The following ITIH6 variants were observed in gnomAD, a reference collection of about 807,000 sequenced individuals.
ITIH6 encodes the protein inter-alpha-trypsin inhibitor heavy chain H6.
ITIH6 carries 60 observed loss-of-function variants against 58.2 expected under a neutral mutation model. The observed-to-expected ratio is 1.03, with a 90% CI of 0.84 to 1.28. The LOEUF is 1.28. Among genes scored for constraint, ITIH6 ranks in the 50% most tolerant of loss-of-function variants. The pLI, the probability that ITIH6 is intolerant of heterozygous loss-of-function variation, is 0.00. For synonymous variants in ITIH6, 493 were observed against 417.4 expected (o/e 1.18, Z -2.21); for missense variants, 1,290 against 1,021.1 (o/e 1.26, Z -3.59).
chrX:54,768,500 A>C (rs1362272107), intron 6 of ITIH6, among the ~76,000 whole-genome samples: 1 of 92,787 alleles, frequency 1.1e-5, no homozygotes, highest in Non-Finnish European at 2.1e-5. Context: ...TGGTCTTTAC[A>C]TTTTGGCATG....
intron 6 of ITIH6, among the ~76,000 whole-genome samples, chrX:54,769,622 GT>G (rs1327469656): frequency 3.9e-5 from 4 of 102,306 alleles, no homozygotes; most frequent in Non-Finnish European, 7.9e-5. Context: ...CTGCAGGTCT[GT>G]TGGAATGCCC....
chrX:54,762,433 G>C (rs758909381), intron 6 of ITIH6, among the ~76,000 whole-genome samples: 5 of 111,573 alleles, frequency 4.5e-5, no homozygotes, highest in Non-Finnish European at 9.4e-5. Flanking sequence ...TGCATGCTTT[G>C]GTTCTGCTGT....
At chrX:54,771,394 T>A (rs1013853037) in intron 6 of ITIH6, among the ~76,000 whole-genome samples, 25 of 112,482 alleles carry the variant, frequency 2.2e-4, no homozygotes, top group African/African-American at 7.4e-4. Context: ...TTTTTATTTT[T>A]GTTTTTTAGC....
chrX:54,759,742 G>T lies in ITIH6; in HGVS notation c.1075+14C>A, dbSNP rs753651528. On this transcript the variant is annotated intron_variant, in intron 7 of 12. Transcript: ENST00000218436. ...CACAGCCTGCCCATTTGGGTGGGTAGATCTAACACTTACAGCCATCGGCTT... is the reference window on the plus strand; with the variant it reads ...CACAGCCTGCCCATTTGGGTGGGTATATCTAACACTTACAGCCATCGGCTT... 1 of 1,192,946 alleles carries T rather than the reference G, an allele frequency of 8.4e-7. No individual in the cohort carries two copies. The highest frequency in any genetic ancestry group is 1.8e-5 in the African/African-American group (1 of 56,921).
chrX:54,764,509 G>A (rs1237296607), intron 6 of ITIH6, among the ~76,000 whole-genome samples: 1 of 107,296 alleles, frequency 9.3e-6, no homozygotes, highest in Non-Finnish European at 1.9e-5. Flanking sequence ...AATATGCAGT[G>A]TTTGATTTTT....
intron 5 of ITIH6, among the ~76,000 whole-genome samples, chrX:54,775,856 A>G (rs1304706013): frequency 2.7e-5 from 3 of 111,673 alleles, no homozygotes; most frequent in Admixed American, 9.5e-5. Context: ...CAATGGCTGG[A>G]AGATGGGTGA....
intron 4 of ITIH6, among the ~76,000 whole-genome samples, chrX:54,790,432 C>G (rs1243186966): frequency 3.6e-5 from 4 of 112,392 alleles, no homozygotes. Context: ...TCCAGGGAGC[C>G]TGCACTTGCT....
At chrX:54,789,144 C>A (rs188626720) in intron 4 of ITIH6, among the ~76,000 whole-genome samples, 1 of 112,002 alleles carries the variant, frequency 8.9e-6, no homozygotes, top group East Asian at 2.8e-4. Flanking sequence ...TCCTCTGGGT[C>A]GGATTTCATA....
chrX:54,788,059 A>G (rs1442096631), intron 5 of ITIH6, among the ~76,000 whole-genome samples: 4 of 111,634 alleles, frequency 3.6e-5, no homozygotes, highest in Non-Finnish European at 7.5e-5. Flanking sequence ...GTTTAGGCAG[A>G]TGGCTCCACT....
chrX:54,765,791 G>C (rs1469436153), intron 6 of ITIH6, among the ~76,000 whole-genome samples: 1 of 109,238 alleles, frequency 9.2e-6, no homozygotes, highest in African/African-American at 3.4e-5. Flanking sequence ...TTTGGTTACT[G>C]TAGCCTTGTA....
intron 8 of ITIH6, among the ~76,000 whole-genome samples, chrX:54,756,672 C>A (rs918099693): frequency 9.0e-6 from 1 of 111,688 alleles, no homozygotes; most frequent in African/African-American, 3.3e-5. Flanking sequence ...TCCAACAAAA[C>A]AAATGTCAAA....
At chrX:54,785,979 G>T (rs1308167992) in intron 5 of ITIH6, among the ~76,000 whole-genome samples, 2 of 111,290 alleles carry the variant, frequency 1.8e-5, no homozygotes, top group African/African-American at 3.3e-5. Flanking sequence ...CTCTTCTCCC[G>T]TCTAGGGCTC....
chrX:54,751,184 C>T lies in ITIH6; in HGVS notation c.3549G>A (p.Lys1183=). The T allele has an allele frequency of 1.7e-6, 2 of 1,211,849 alleles. No individual in the cohort carries two copies. The highest frequency in any genetic ancestry group is 2.2e-6 in the Non-Finnish European group (2 of 895,431). ...RLSWDQPALL[K]RPQLELYVAA... is the part of the protein sequence containing the mutation. The stretch of plus-strand genomic sequence containing the variant: ...CCACATAGAGCTCCAGCTGGGGCCT[C>T]TTCAGCAGGGCAGGTTGGTCCCAGG... Residue 1183 remains lysine, a synonymous_variant, in exon 12 of 13, where the codon AAG becomes AAA. Transcript: ENST00000218436.
Position 54,758,484 on chromosome X carries a change from A to C in ITIH6, c.1590T>G (p.Leu530=). The stretch of plus-strand genomic sequence containing the variant: ...TGGCCCCTTCACTGTGGTGGGCCAC[A>C]AGAAGCTGATCCTTGGGGCCACGGG... ...LAARGPKDQL[L]VAHHSEGATN... is the part of the protein sequence containing the mutation. Residue 530 remains leucine (L), a synonymous_variant, in exon 8 of 13, where the codon CTT becomes CTG. Transcript: ENST00000218436. 1.7e-6 allele frequency: 2 copies of C among 1,210,497 alleles called. No individual in the cohort carries two copies. The highest frequency in any genetic ancestry group is 2.2e-6 in the Non-Finnish European group (2 of 894,974).
intron 8 of ITIH6, among the ~76,000 whole-genome samples, chrX:54,755,610 AG>A (rs1928469184): frequency 9.0e-6 from 1 of 110,557 alleles, no homozygotes; most frequent in African/African-American, 3.3e-5. Context: ...GGAAGGGATA[AG>A]GGCAGCAGGA....
chrX:54,774,201 G>T lies in ITIH6; in HGVS notation c.787-4C>A. The T allele has an allele frequency of 6.3e-6, 5 of 789,173 alleles. No individual in the cohort carries two copies. Among genetic ancestry groups the T allele is most frequent in the African/African-American group, 2.8e-5 (1 of 35,954 alleles). 65.0% of individuals were successfully genotyped at this position (789,173 alleles called of 1,213,427 possible). ...GAATGAAATAGTCATCGTAAATCTG[G>T]ACCAAAAAAAAAAAAAAAAAAGTAG... is the stretch of plus-strand genomic sequence containing the variant. On this transcript the variant is annotated splice_polypyrimidine_tract_variant and splice_region_variant and intron_variant, in intron 5 of 12. Transcript: ENST00000218436.
At position 54,757,902 on chromosome X, in the gene ITIH6, T is replaced by G. The variant is rs759725457; in HGVS notation, c.2172A>C (p.Lys724Asn). Residue 724 changes from lysine (K) to asparagine (N), a missense_variant, in exon 8 of 13, where the codon AAA (lysine) becomes AAC (asparagine). Coordinates refer to ENST00000218436, the MANE Select transcript of ITIH6 (RefSeq NM_198510.3). The part of the protein sequence containing the change: ...GTLAQPTLRT[K>N]PTILVPSNSG... ...AATTTGAGGGCACAAGAATGGTAGG[T>G]TTTGTCCTGAGAGTTGGCTGGGCCA... is the stretch of plus-strand genomic sequence containing the variant. The G allele has an allele frequency of 5.0e-6, 6 of 1,210,760 alleles. No homozygotes were observed. The highest frequency in any genetic ancestry group is 6.7e-6 in the Non-Finnish European group (6 of 895,178).
intron 1 of ITIH6, among the ~76,000 whole-genome samples, chrX:54,797,494 T>C (rs1405716754): frequency 8.9e-6 from 1 of 112,354 alleles, no homozygotes; most frequent in African/African-American, 3.2e-5. Flanking sequence ...CAGATTTCAC[T>C]TTGAGTAGCA....
intron 2 of ITIH6, among the ~76,000 whole-genome samples, chrX:54,796,227 T>C (rs930681012): frequency 9.0e-6 from 1 of 111,619 alleles, no homozygotes; most frequent in South Asian, 3.8e-4. Context: ...CTATATGCAG[T>C]TCACCTTCCT....
Sources: allele counts gnomAD v4.1 joint callset (sites outside exome capture counted in the v4.1 genomes callset), GRCh38; gene constraint gnomAD v4.1.1; transcripts MANE v1.5; gene names NCBI Gene and HGNC (gene_info 2026-07-23, HGNC 2026-07-21).